Variants in SPRY1 observed in about 807,000 individuals in gnomAD.
SPRY1 encodes protein sprouty homolog 1.
Under a neutral mutation model 22.6 loss-of-function variants are expected in SPRY1, and 20 were observed. The ratio of observed to expected loss-of-function variants is 0.89; its 90% CI spans 0.62 to 1.29. The LOEUF is 1.29. Ranked by LOEUF, SPRY1 falls within the 50% of genes most tolerant of loss-of-function variation. The pLI is 0.00. For missense variants in SPRY1, 446 were observed against 387.7 expected (o/e 1.15, Z -1.26); for synonymous variants, 155 against 144.7 (o/e 1.07, Z -0.51).
intron 1 of SPRY1, among the ~76,000 whole-genome samples, chr4:123,397,142 C>T (rs925232409): frequency 6.6e-6 from 1 of 152,172 alleles, no homozygotes; most frequent in Admixed American, 6.5e-5. Context: ...TCCCTTTCAC[C>T]TTTCCTTAAC....
chr4:123,398,420 C>G (rs1725003715), intron 2 of SPRY1: 1 of 151,136 alleles, frequency 6.6e-6, no homozygotes, highest in Admixed American at 6.6e-5. Context: ...CTCGCCCTCC[C>G]CGCCGCGGTT....
rs1421632582 is a variant in SPRY1, at chr4:123,401,913, G to C, written c.322G>C (p.Gly108Arg). Reference protein sequence around the residue: ...GHAVLPSNARGPILSRSTSTG... With the variant: ...GHAVLPSNARRPILSRSTSTG... ...TGCAGTACTCCCAAGTAATGCCAGG[G>C]GCCCCATTTTGAGCAGATCAACCAG... The change falls in exon 3 of 3, where the codon GGC (glycine) becomes CGC (arginine). Residue 108 changes from glycine to arginine, a missense_variant. By Grantham distance (125) the Gly-to-Arg change is moderately radical. Transcript: ENST00000651917. The C allele has an allele frequency of 6.2e-7, 1 of 1,614,080 alleles. No homozygotes were observed. The highest frequency in any genetic ancestry group is 1.7e-5 in the Admixed American group (1 of 60,012).
In SPRY1 at chr4:123,401,827, A is replaced by G; in HGVS notation, c.236A>G (p.Glu79Gly). The change falls in exon 3 of 3, where the codon GAA (glutamate) becomes GGA (glycine). Residue 79 changes from glutamate to glycine, a missense_variant. Coordinates refer to ENST00000651917, the MANE Select transcript of SPRY1 (RefSeq NM_001258038.2). Reference sequence around the variant, plus strand: ...CAAGAAAAGCATGAAAGGACTCATGAAATCATACCAATTAATGTGAATAAT... The same window carrying G: ...CAAGAAAAGCATGAAAGGACTCATGGAATCATACCAATTAATGTGAATAAT... ...PRQEKHERTH[E>G]IIPINVNNNY... The G allele has an allele frequency of 6.2e-7, 1 of 1,614,252 alleles. No homozygotes were observed. Among genetic ancestry groups the G allele is most frequent in the Non-Finnish European group, 8.5e-7 (1 of 1,180,058 alleles).
At chr4:123,399,284 G>T (rs1026712125) in intron 2 of SPRY1, among the ~76,000 whole-genome samples, 1 of 152,076 alleles carries the variant, frequency 6.6e-6, no homozygotes, top group Admixed American at 6.6e-5. Flanking sequence ...ACTGAGGCGG[G>T]AGACCCGCTT....
At chr4:123,398,491 C>T (rs958425652) in intron 2 of SPRY1, 2 of 151,404 alleles carry the variant, frequency 1.3e-5, no homozygotes, top group African/African-American at 4.8e-5. Context: ...ACGGCTTGGC[C>T]CCCGGCCACC....
Position 123,402,732 on chromosome 4 carries a change from G to A in SPRY1, c.*181G>A. On this transcript the variant is annotated 3_prime_UTR_variant, in exon 3 of 3. Transcript: ENST00000651917. Reference sequence around the variant, plus strand: ...CTCATGGATGATCTTCAGCAAGAGTGGACTGGGAAGCTGCACCTGGCTCCC... The same window carrying A: ...CTCATGGATGATCTTCAGCAAGAGTAGACTGGGAAGCTGCACCTGGCTCCC... 1.3e-6 allele frequency: 1 copy of A among 798,352 alleles called. No homozygotes were observed. The highest frequency in any genetic ancestry group is 1.9e-6 in the Non-Finnish European group (1 of 514,436). 49.5% of individuals were successfully genotyped at this position (798,352 alleles called of 1,614,324 possible). A position where few individuals can be genotyped will look rare whatever the true frequency, so the allele number is the denominator to read the frequency against.
chr4:123,403,687 G>A lies in SPRY1; in HGVS notation c.*1136G>A, dbSNP rs763075336. On this transcript the variant is annotated 3_prime_UTR_variant, in exon 3 of 3. Transcript: ENST00000651917. ...ATATAACAAAATATCAATACTTAAC[G>A]GAAAATAAGGTGACACGAAGAAAGT... The A allele has an allele frequency of 1.2e-5, 2 of 166,934 alleles. No individual in the cohort carries two copies. The highest frequency in any genetic ancestry group is 6.6e-5 in the Admixed American group (1 of 15,262). The allele number at this position is 166,934 out of a possible 1,614,324, so 10.3% of individuals were successfully genotyped here.
chr4:123,402,683 C>T lies in SPRY1; in HGVS notation c.*132C>T, dbSNP rs539974780. 1.1e-5 allele frequency: 13 copies of T among 1,193,072 alleles called. No individual in the cohort carries two copies. In the Admixed American group the frequency reaches 1.9e-4, roughly 18 times the overall value. The allele number at this position is 1,193,072 out of a possible 1,614,324, so 73.9% of individuals were successfully genotyped here. On this transcript the variant is annotated 3_prime_UTR_variant, in exon 3 of 3. Transcript: ENST00000651917. ...CCTTCTCTTCCCCTGTTGCCAAGGT[C>T]TAACTCATGGATTTTTCTCTTTCCT...
chr4:123,402,883 TAC>T lies in SPRY1; in HGVS notation c.*334_*335del, dbSNP rs1725231465. On this transcript the variant is annotated 3_prime_UTR_variant, in exon 3 of 3. Transcript: ENST00000651917. Reference sequence around the variant, plus strand: ...CATGAACATACACCCACATCCAGACTACAGTGATTTAGAGTTGTTTTGATTGG... The same window carrying T: ...CATGAACATACACCCACATCCAGACTAGTGATTTAGAGTTGTTTTGATTGG... The T allele has an allele frequency of 2.2e-6, 1 of 459,202 alleles. No homozygotes were observed. The highest frequency in any genetic ancestry group is 2.0e-5 in the African/African-American group (1 of 50,034). The allele number at this position is 459,202 out of a possible 1,614,324, so 28.4% of individuals were successfully genotyped here.
intron 2 of SPRY1, 69 bp from the exon 3 acceptor site, chr4:123,401,468 T>TGGG: frequency 1.1e-5 from 11 of 1,003,342 alleles, no homozygotes; most frequent in East Asian, 6.1e-5. Context: ...TTGACAGGAT[T>TGGG]CCCCCCCCCC....
chr4:123,398,282 C>G (rs1318648252), intron 2 of SPRY1: 3 of 152,146 alleles, frequency 2.0e-5, no homozygotes, highest in Non-Finnish European at 4.4e-5. Flanking sequence ...GGTCCGGGCC[C>G]GGCCGCGCGG....
At position 123,402,604 on chromosome 4, in the gene SPRY1, T is replaced by G. The variant is rs1479231795; in HGVS notation, c.*53T>G. 5 of 1,534,674 alleles carry G rather than the reference T, an allele frequency of 3.3e-6. No individual in the cohort carries two copies. Among genetic ancestry groups the G allele is most frequent in the East Asian group, 2.3e-5 (1 of 44,162 alleles). On this transcript the variant is annotated 3_prime_UTR_variant, in exon 3 of 3. Coordinates refer to ENST00000651917, the MANE Select transcript of SPRY1 (RefSeq NM_001258038.2). ...ACTTTTAGCTTTCAAGTTGTGGCTG[T>G]TTTTTGTTTTTGTTTTTGTTTTTGT...
intron 2 of SPRY1, chr4:123,400,075 A>G (rs1725088140): frequency 6.6e-6 from 1 of 152,198 alleles, no homozygotes; most frequent in South Asian, 2.1e-4. Context: ...CTGGCTTAGT[A>G]CTTTTAGCTA....
At chr4:123,398,655 C>T (rs1725015700) in intron 2 of SPRY1, 1 of 152,046 alleles carries the variant, frequency 6.6e-6, no homozygotes, top group Admixed American at 6.6e-5. Flanking sequence ...GGGACGACCT[C>T]GCTCGGCGCG....
At position 123,397,773 on chromosome 4, in the gene SPRY1, GC is replaced by G. The variant is rs1410895346; in HGVS notation, c.-136del. On this transcript the variant is annotated 5_prime_UTR_variant, in exon 2 of 3. Coordinates refer to ENST00000651917, the MANE Select transcript of SPRY1 (RefSeq NM_001258038.2). ...GCCTGCGCGGGGCACAAGGGACGAC[GC>G]CCGCCTTTCTCTCTCCGAGAAGGAT... 1 of 148,482 alleles carries G rather than the reference GC, an allele frequency of 6.7e-6. No individual in the cohort carries two copies. The highest frequency in any genetic ancestry group is 2.5e-5 in the African/African-American group (1 of 39,748). 9.2% of individuals were successfully genotyped at this position (148,482 alleles called of 1,614,324 possible).
chr4:123,400,018 C>T (rs1725085064), intron 2 of SPRY1: 1 of 152,176 alleles, frequency 6.6e-6, no homozygotes, highest in Non-Finnish European at 1.5e-5. Context: ...GAAGTTGTGC[C>T]TGGTGTTATG....
chr4:123,402,622 G>C lies in SPRY1; in HGVS notation c.*71G>C, dbSNP rs899992010. ...GTGGCTGTTTTTTGTTTTTGTTTTT[G>C]TTTTTGTTTTCTTTAGAATTTTTCC... On this transcript the variant is annotated 3_prime_UTR_variant, in exon 3 of 3. Transcript: ENST00000651917. The C allele has an allele frequency of 2.9e-5, 44 of 1,520,944 alleles. No individual in the cohort carries two copies. The highest frequency in any genetic ancestry group is 3.9e-5 in the Non-Finnish European group (44 of 1,137,834). The allele number at this position is 1,520,944 out of a possible 1,614,324, so 94.2% of individuals were successfully genotyped here.
rs1579159194 is a variant in SPRY1, at chr4:123,401,972, C to T, written c.381C>T (p.Ser127=). Reference sequence around the variant, plus strand: ...GTGCAGCCAGCTCTGGGAGCAACAGCAGTGCCTCTTCTGAACAGGGACTGT... The same window carrying T: ...GTGCAGCCAGCTCTGGGAGCAACAGTAGTGCCTCTTCTGAACAGGGACTGT... ...TGSAASSGSN[S]SASSEQGLLG... Residue 127 remains serine (S), a synonymous_variant, in exon 3 of 3, where the codon AGC becomes AGT. Coordinates refer to ENST00000651917, the MANE Select transcript of SPRY1 (RefSeq NM_001258038.2). 1 of 1,614,216 alleles carries T rather than the reference C, an allele frequency of 6.2e-7. No homozygotes were observed. The highest frequency in any genetic ancestry group is 8.5e-7 in the Non-Finnish European group (1 of 1,180,048).
intron 2 of SPRY1, among the ~76,000 whole-genome samples, chr4:123,400,713 G>T (rs1012856759): frequency 4.6e-5 from 7 of 151,942 alleles, no homozygotes; most frequent in South Asian, 2.1e-4. Flanking sequence ...AAACTGCCAG[G>T]ATTTCCCTAC....
Sources: allele counts gnomAD v4.1 joint callset (sites outside exome capture counted in the v4.1 genomes callset), GRCh38; gene constraint gnomAD v4.1.1; transcripts MANE v1.5; gene names NCBI Gene and HGNC (gene_info 2026-07-23, HGNC 2026-07-21).